The following DSG3 variants were observed in gnomAD, a reference collection of about 807,000 sequenced individuals.
The protein encoded by DSG3 is desmoglein 3.
A neutral mutation model predicts 85.9 loss-of-function variants in DSG3; 63 were observed. The ratio of observed to expected loss-of-function variants is 0.73; its 90% CI spans 0.60 to 0.90. DSG3 has a LOEUF of 0.90. Ranked by LOEUF, DSG3 falls within the 40% of genes least tolerant of loss-of-function variation. The pLI, the probability that DSG3 is intolerant of heterozygous loss-of-function variation, is 0.00. For synonymous variants in DSG3, 447 were observed against 441.9 expected, an observed-to-expected ratio of 1.01 and a Z score of -0.14; for missense variants, 1,220 against 1,219.9, an observed-to-expected ratio of 1.00 and a Z score of 0.00.
intron 5 of DSG3, 51 bp from the exon 6 acceptor site, chr18:31,459,794 A>T: frequency 6.7e-7 from 1 of 1,492,958 alleles, no homozygotes. Context: ...TAAAGTAAAC[A>T]TAATGTTAAT....
At chr18:31,459,793 C>T (rs1445476110) in intron 5 of DSG3, 52 bp from the exon 6 acceptor site, 10 of 1,480,874 alleles carry the variant, frequency 6.8e-6, no homozygotes, top group Non-Finnish European at 9.2e-6. Flanking sequence ...TTAAAGTAAA[C>T]ATAATGTTAA....
At chr18:31,469,450 C>G (rs1172180038) in intron 12 of DSG3, 101 bp downstream of exon 12, 6 of 1,483,316 alleles carry the variant, frequency 4.0e-6, no homozygotes, top group Non-Finnish European at 4.5e-6. Context: ...AGAATATTCT[C>G]TGATGTTTTA....
At chr18:31,459,538 G>A (rs1017979088) in intron 5 of DSG3, among the ~76,000 whole-genome samples, 3 of 152,112 alleles carry the variant, frequency 2.0e-5, no homozygotes, top group African/African-American at 7.2e-5. Context: ...ACATTACTTG[G>A]ATAATTTGTG....
At chr18:31,454,891 G>C (rs1021381851) in intron 1 of DSG3, among the ~76,000 whole-genome samples, 1 of 151,706 alleles carries the variant, frequency 6.6e-6, no homozygotes, top group Admixed American at 6.6e-5. Context: ...CCTGTTACTC[G>C]GGAGGCTAAG....
chr18:31,452,487 T>A (rs2072717426), intron 1 of DSG3, among the ~76,000 whole-genome samples: 1 of 119,154 alleles, frequency 8.4e-6, no homozygotes, highest in Non-Finnish European at 1.6e-5. Flanking sequence ...CTACTGCACT[T>A]CAGCCTTGTG....
intron 1 of DSG3, 113 bp from the exon 2 acceptor site, chr18:31,456,327 T>G: frequency 1.3e-6 from 1 of 750,368 alleles, no homozygotes. Flanking sequence ...TCTTTTGAAA[T>G]AGAAACAAAT....
chr18:31,455,960 G>C (rs1419403120), intron 1 of DSG3, among the ~76,000 whole-genome samples: 1 of 152,178 alleles, frequency 6.6e-6, no homozygotes, highest in Non-Finnish European at 1.5e-5. Context: ...AAAATGTTCT[G>C]TAATTGTAGA....
rs1185738898 is a variant in DSG3, at chr18:31,459,924, C to G, written c.597C>G (p.Val199=). Reference sequence around the variant, plus strand: ...ATTCTAAAATTGCCTTCAAAATTGTCTCTCAGGAACCAGCAGGCACACCCA... The same window carrying G: ...ATTCTAAAATTGCCTTCAAAATTGTGTCTCAGGAACCAGCAGGCACACCCA... The part of the protein sequence containing the change: ...HLNSKIAFKI[V]SQEPAGTPMF... The change falls in exon 6 of 16, where the codon GTC becomes GTG. Residue 199 remains valine (V), a synonymous_variant. Coordinates refer to ENST00000257189, the MANE Select transcript of DSG3 (RefSeq NM_001944.3). 1 of 1,613,916 alleles carries G rather than the reference C, an allele frequency of 6.2e-7. No homozygotes were observed. Among genetic ancestry groups the G allele is most frequent in the African/African-American group, 1.3e-5 (1 of 74,914 alleles).
intron 9 of DSG3, 90 bp from the exon 10 acceptor site, chr18:31,465,228 A>G: frequency 1.1e-6 from 1 of 884,888 alleles, no homozygotes; most frequent in Non-Finnish European, 1.5e-6. Context: ...ATTAAATATG[A>G]ATATACTAAA....
At position 31,472,412 on chromosome 18, in the gene DSG3, C is replaced by T. The variant is rs776465142; in HGVS notation, c.2026C>T (p.Pro676Ser). 2 of 1,612,790 alleles carry T rather than the reference C, an allele frequency of 1.2e-6. No homozygotes were observed. Among genetic ancestry groups the T allele is most frequent in the Non-Finnish European group, 1.7e-6 (2 of 1,179,710 alleles). Residue 676 changes from proline (P) to serine (S), a missense_variant, in exon 13 of 16, where the codon CCT becomes TCT. Pro to Ser is a moderately conservative substitution (Grantham distance 74). Transcript: ENST00000257189. Reference sequence around the variant, plus strand: ...TCAGTGGGGAATTGAAGGAGCCCATCCTGAAGACAAGGTAAGCATCCAGTT... The same window carrying T: ...TCAGTGGGGAATTGAAGGAGCCCATTCTGAAGACAAGGTAAGCATCCAGTT... The part of the protein sequence containing the change: ...IHQWGIEGAH[P>S]EDKEITNICV...
At chr18:31,470,757 T>C (rs73414227) in intron 12 of DSG3, among the ~76,000 whole-genome samples, 2,405 of 152,208 alleles carry the variant, frequency 0.016, 62 homozygotes, top group African/African-American at 0.055. Context: ...ATATAATCAG[T>C]ATAAAAAATG....
intron 1 of DSG3, among the ~76,000 whole-genome samples, chr18:31,454,648 A>G (rs1301898316): frequency 6.6e-6 from 1 of 151,742 alleles, no homozygotes; most frequent in Non-Finnish European, 1.5e-5. Context: ...TGACTGTCAT[A>G]TAATTTTCTT....
chr18:31,457,565 CTTTCTTTCTTTCTTTCTTTCTTCT>C (rs1568086415), intron 3 of DSG3, among the ~76,000 whole-genome samples: 1 of 105,554 alleles, frequency 9.5e-6, no homozygotes, highest in Non-Finnish European at 1.8e-5. Flanking sequence ...TTCTTTCTTT[CTTTCTTTCTTTCTTTCTTTCTTCT>C]TTCTTTCTTT....
Position 31,453,421 on chromosome 18 carries a change from A to AGTAAG in DSG3, c.49-3018_49-3017insTAAGG, listed in dbSNP as rs1439317333. Among the ~76,000 whole-genome samples, 6 of 152,062 alleles carry AGTAAG rather than the reference A, an allele frequency of 3.9e-5. No homozygotes were observed. The South Asian group carries it at 8.3e-4, about 21-fold the overall frequency. ...CCAAACAAGATCTCGGCCAAACTAA[A>AGTAAG]GAGCAGGTGCTATTATACTTGCTTT... On this transcript the variant is annotated intron_variant, in intron 1 of 15. Coordinates refer to ENST00000257189, the MANE Select transcript of DSG3 (RefSeq NM_001944.3).
chr18:31,472,603 C>A, intron 13 of DSG3, 122 bp from the exon 14 acceptor site: 1 of 1,285,288 alleles, frequency 7.8e-7, no homozygotes, highest in Non-Finnish European at 1.1e-6. Flanking sequence ...ATGGTTATCG[C>A]TGAAAGAATT....
intron 3 of DSG3, among the ~76,000 whole-genome samples, chr18:31,457,547 CTCTTTCTT>C (rs757274745): frequency 0.012 from 1,516 of 122,438 alleles, 39 homozygotes; most frequent in African/African-American, 0.035. Context: ...TTCTTTCTTT[CTCTTTCTT>C]TCTTTCTTTC....
chr18:31,476,627 G>C lies in DSG3; in HGVS notation c.*367G>C, dbSNP rs1399670532. The C allele has an allele frequency of 5.8e-6, 1 of 172,772 alleles. No individual in the cohort carries two copies. The highest frequency in any genetic ancestry group is 2.4e-5 in the African/African-American group (1 of 41,978). The allele number at this position is 172,772 out of a possible 1,614,324, so 10.7% of individuals were successfully genotyped here. A position where few individuals can be genotyped will look rare whatever the true frequency, so the allele number is the denominator to read the frequency against. Reference sequence around the variant, plus strand: ...GGATTAAGCAGGAGCGCTGGTTCTTGTCTCCATTGCCTTTTCTTATATCAT... The same window carrying C: ...GGATTAAGCAGGAGCGCTGGTTCTTCTCTCCATTGCCTTTTCTTATATCAT... On this transcript the variant is annotated 3_prime_UTR_variant, in exon 16 of 16. Coordinates refer to ENST00000257189, the MANE Select transcript of DSG3 (RefSeq NM_001944.3).
At position 31,461,366 on chromosome 18, in the gene DSG3, T is replaced by C. The variant is rs1184435654; in HGVS notation, c.953T>C (p.Ile318Thr). The change falls in exon 8 of 16, where the codon ATA becomes ACA. Residue 318 changes from isoleucine to threonine, a missense_variant. Ile to Thr is a moderately conservative substitution (Grantham distance 89). Transcript: ENST00000257189. ...GGGAATGAAGGAAATTGGTTTGAAA[T>C]ACAAACTGATCCTAGAACTAATGAA... ...TSGNEGNWFE[I>T]QTDPRTNEGI... The C allele has an allele frequency of 1.9e-6, 3 of 1,613,802 alleles. No homozygotes were observed. Among genetic ancestry groups the C allele is most frequent in the Admixed American group, 3.3e-5 (2 of 59,990 alleles).
In DSG3 at chr18:31,478,676, G is replaced by A. The variant is rs918524130; in HGVS notation, c.*2416G>A. 6.6e-6 allele frequency: 1 copy of A among 152,044 alleles called. No individual in the cohort carries two copies. The highest frequency in any genetic ancestry group is 6.5e-5 in the Admixed American group (1 of 15,268). The allele number at this position is 152,044 out of a possible 1,614,324, so 9.4% of individuals were successfully genotyped here. ...GTATAATGTTGTTATAATAAAACAG[G>A]CAATAAATTTATAAATAAAAGCTGA... On this transcript the variant is annotated 3_prime_UTR_variant, in exon 16 of 16. Transcript: ENST00000257189.
Sources: gnomAD v4.1 joint callset for allele counts (sites outside exome capture counted in the v4.1 genomes callset) on GRCh38, gnomAD v4.1.1 for gene constraint, MANE v1.5 for transcripts, NCBI Gene and HGNC (gene_info 2026-07-23, HGNC 2026-07-21) for gene names.